CSMD1: variants seen among roughly 807,000 people sequenced by gnomAD.
The protein encoded by CSMD1 is CUB and Sushi multiple domains 1, also known as CUB and sushi domain-containing protein 1.
In CSMD1, 213 loss-of-function variants were observed where a neutral mutation model predicts 417.5. The ratio of observed to expected loss-of-function variants is 0.51; its 90% CI spans 0.46 to 0.57. The LOEUF (loss-of-function observed/expected upper bound fraction) is 0.57, where lower values mean the gene tolerates loss of function less well. Among genes scored for constraint, CSMD1 ranks in the 20% least tolerant of loss-of-function variants. CSMD1 has a pLI of 0.00. For missense variants in CSMD1, 6,923 were observed against 4,529.7 expected, an observed-to-expected ratio of 1.53 and a Z score of -15.17; for synonymous variants, 2,862 against 1,736.8, an observed-to-expected ratio of 1.65 and a Z score of -16.11.
intron 5 of CSMD1, among the ~76,000 whole-genome samples, chr8:3,973,258 G>A (rs1180157726): frequency 2.0e-5 from 3 of 152,172 alleles, no homozygotes; most frequent in Non-Finnish European, 4.4e-5. Context: ...TGAGAGCTAT[G>A]GCTTGGTCAT....
chr8:4,495,347 G>C (rs889197629), intron 2 of CSMD1, among the ~76,000 whole-genome samples: 3 of 152,140 alleles, frequency 2.0e-5, no homozygotes, highest in African/African-American at 7.2e-5. Flanking sequence ...AGGCTGAGGC[G>C]GGCGGATCAC....
At chr8:2,985,464 C>CTA (rs1554480084) in intron 54 of CSMD1, among the ~76,000 whole-genome samples, 6 of 150,232 alleles carry the variant, frequency 4.0e-5, no homozygotes, top group Non-Finnish European at 6.0e-5. Context: ...AGGGAGGAGA[C>CTA]TGGTGTGATA....
Position 3,162,250 on chromosome 8 carries a change from G to A in CSMD1, c.5753C>T (p.Pro1918Leu). 2.5e-6 allele frequency: 4 copies of A among 1,609,656 alleles called. No individual in the cohort carries two copies. Among genetic ancestry groups the A allele is most frequent in the Middle Eastern group, 1.7e-4 (1 of 6,056 alleles). ...KTVGLAACQE[P>L]ALPSNSIKIG... The stretch of plus-strand genomic sequence containing the variant: ...TTTGATGCTGTTGCTGGGGAGGGCT[G>A]GTTCTTGGCATGCAGCAAGACCTAC... Residue 1918 changes from proline to leucine, a missense_variant, in exon 38 of 70, where the codon CCA becomes CTA. Pro to Leu is a moderately conservative substitution (Grantham distance 98). Coordinates refer to ENST00000635120, the MANE Select transcript of CSMD1 (RefSeq NM_033225.6).
At chr8:3,600,685 G>A (rs542270021) in intron 8 of CSMD1, among the ~76,000 whole-genome samples, 27 of 152,274 alleles carry the variant, frequency 1.8e-4, no homozygotes, top group Admixed American at 1.4e-3. Context: ...GGTCTAAAGC[G>A]AAAGTCTGCA....
intron 5 of CSMD1, among the ~76,000 whole-genome samples, chr8:3,780,604 A>G (rs965963020): frequency 6.6e-6 from 1 of 152,242 alleles, no homozygotes; most frequent in African/African-American, 2.4e-5. Flanking sequence ...ATAATTCACT[A>G]CAACTGTCAT....
intron 3 of CSMD1, among the ~76,000 whole-genome samples, chr8:4,102,779 G>T (rs1388190480): frequency 6.6e-6 from 1 of 152,182 alleles, no homozygotes; most frequent in African/African-American, 2.4e-5. Context: ...GACAACAAAA[G>T]GAAGATGATT....
chr8:4,762,499 C>T (rs1374080382), intron 1 of CSMD1, among the ~76,000 whole-genome samples: 1 of 152,110 alleles, frequency 6.6e-6, no homozygotes, highest in East Asian at 1.9e-4. Flanking sequence ...ATCAAATTTA[C>T]ATAGGTAAGC....
chr8:3,055,380 G>T (rs1416307064), intron 49 of CSMD1, among the ~76,000 whole-genome samples: 2 of 152,122 alleles, frequency 1.3e-5, no homozygotes, highest in Non-Finnish European at 2.9e-5. Flanking sequence ...CTTAACAAAA[G>T]GCTATTTGGT....
intron 5 of CSMD1, among the ~76,000 whole-genome samples, chr8:3,968,534 T>G (rs1007058277): frequency 6.6e-6 from 1 of 152,154 alleles, no homozygotes; most frequent in Non-Finnish European, 1.5e-5. Flanking sequence ...AAATGCCATT[T>G]TTTTTCAGAT....
rs991504106 is a variant in CSMD1, at chr8:3,340,490, T to G, written c.3631+2804A>C. Among the ~76,000 whole-genome samples the G allele has an allele frequency of 3.9e-5, 6 of 152,356 alleles. No individual in the cohort carries two copies. In the South Asian group the frequency reaches 1.2e-3, roughly 32 times the overall value. Reference sequence around the variant, plus strand: ...TCTGAAACATTTAAATACTAATGTTTCCTTAAGTAGTGCAATTAACTATCA... The same window carrying G: ...TCTGAAACATTTAAATACTAATGTTGCCTTAAGTAGTGCAATTAACTATCA... On this transcript the variant is annotated intron_variant, in intron 23 of 69. Transcript: ENST00000635120.
intron 4 of CSMD1, among the ~76,000 whole-genome samples, chr8:4,016,729 G>C (rs796762297): frequency 1.5e-4 from 23 of 152,280 alleles, no homozygotes; most frequent in African/African-American, 5.1e-4. Flanking sequence ...AGACCCTATA[G>C]CCAAACCACC....
At chr8:3,693,821 TA>T (rs1800389266) in intron 7 of CSMD1, among the ~76,000 whole-genome samples, 1 of 150,686 alleles carries the variant, frequency 6.6e-6, no homozygotes, top group Non-Finnish European at 1.5e-5. Context: ...TTGTGTTTGT[TA>T]TGGTGTGTGT....
chr8:4,959,483 T>C (rs1029234185), intron 1 of CSMD1, among the ~76,000 whole-genome samples: 1 of 152,236 alleles, frequency 6.6e-6, no homozygotes, highest in Non-Finnish European at 1.5e-5. Context: ...CAGGATATCC[T>C]GTTTGTTCTA....
intron 5 of CSMD1, among the ~76,000 whole-genome samples, chr8:3,817,002 C>G (rs185339545): frequency 1.3e-5 from 2 of 152,152 alleles, no homozygotes; most frequent in Admixed American, 1.3e-4. Flanking sequence ...CAATGCTTCT[C>G]ATTGTGTTGT....
chr8:3,546,499 G>A (rs552080211), intron 10 of CSMD1, among the ~76,000 whole-genome samples: 9 of 151,090 alleles, frequency 6.0e-5, no homozygotes, highest in African/African-American at 9.7e-5. Context: ...TCCTGCCACC[G>A]CACTCCAGCC....
At chr8:2,979,046 T>C (rs1805181547) in intron 54 of CSMD1, among the ~76,000 whole-genome samples, 1 of 152,220 alleles carries the variant, frequency 6.6e-6, no homozygotes, top group South Asian at 2.1e-4. Context: ...CTCTATTTCC[T>C]AGTAATGTTT....
At chr8:4,687,634 T>TA (rs1806476569) in intron 1 of CSMD1, among the ~76,000 whole-genome samples, 1 of 152,166 alleles carries the variant, frequency 6.6e-6, no homozygotes. Flanking sequence ...TATGAAGTGT[T>TA]ACTCACAGCT....
chr8:4,259,827 C>T (rs1211055172), intron 3 of CSMD1, among the ~76,000 whole-genome samples: 2 of 152,108 alleles, frequency 1.3e-5, no homozygotes, highest in African/African-American at 2.4e-5. Context: ...GCACATTACT[C>T]ATAATATTGT....
At chr8:4,801,877 T>A (rs1400931508) in intron 1 of CSMD1, among the ~76,000 whole-genome samples, 4 of 152,202 alleles carry the variant, frequency 2.6e-5, no homozygotes, top group Admixed American at 2.6e-4. Flanking sequence ...GCAAGCCCAA[T>A]GTATTTTAAG....
Sources: gnomAD v4.1 joint callset for allele counts (sites outside exome capture counted in the v4.1 genomes callset) on GRCh38, gnomAD v4.1.1 for gene constraint, MANE v1.5 for transcripts, NCBI Gene and HGNC (gene_info 2026-07-23, HGNC 2026-07-21) for gene names.